TEX2: variants seen among roughly 807,000 people sequenced by gnomAD.
TEX2 encodes the protein testis-expressed protein 2.
A neutral mutation model predicts 106.9 loss-of-function variants in TEX2; 53 were observed. The ratio of observed to expected loss-of-function variants is 0.50; its 90% confidence interval spans 0.40 to 0.62. The LOEUF is 0.62. Among genes scored for constraint, TEX2 ranks in the 20% least tolerant of loss-of-function variants. The pLI is 0.00. For synonymous variants in TEX2, 523 were observed against 534.8 expected (o/e 0.98, Z 0.30); for missense variants, 1,207 against 1,379.0 (o/e 0.88, Z 1.98).
intron 2 of TEX2, among the ~76,000 whole-genome samples, chr17:64,210,634 C>CTTTGTTTTTTGTTTTTTTTTTTTT (rs2032970391): frequency 1.3e-5 from 1 of 74,786 alleles, no homozygotes; most frequent in African/African-American, 5.8e-5. Flanking sequence ...CAACCCCCAG[C>CTTTGTTTTTTGTTTTTTTTTTTTT]TTTTTTTTTT....
In TEX2 at chr17:64,187,139, A is replaced by G. The variant is rs191152264; in HGVS notation, c.2424+1029T>C. Among the ~76,000 whole-genome samples, 13 of 152,326 alleles carry G rather than the reference A, an allele frequency of 8.5e-5. No homozygotes were observed. The East Asian group carries it at 2.5e-3, about 29-fold the overall frequency. On this transcript the variant is annotated intron_variant, in intron 5 of 11. Transcript: ENST00000584379. ...TTCAAGAGAGCAGAGTAATTCTATT[A>G]AAGTGCCTAACAGAGCCTGGCATCT...
In TEX2 at chr17:64,213,260, C is replaced by T. The variant is rs928640901; in HGVS notation, c.958G>A (p.Ala320Thr). The T allele has an allele frequency of 1.2e-6, 2 of 1,614,150 alleles. No individual in the cohort carries two copies. Among genetic ancestry groups the T allele is most frequent in the East Asian group, 2.2e-5 (1 of 44,882 alleles). Residue 320 changes from alanine to threonine, a missense_variant, in exon 2 of 12, where the codon GCC (alanine) becomes ACC (threonine). Physicochemically the swap from Ala to Thr is moderately conservative, Grantham distance 58 (BLOSUM62 0). Around this residue, in one of 3 missense-constraint regions of TEX2, gnomAD observed 1,067 missense variants for 1,193.6 expected, o/e 0.89. Transcript: ENST00000584379. This position sits in a 1 kb window ranked among gnomAD's most constrained non-coding sequence, Gnocchi z 4.4. ...AGTTCTGAAGCACTTGAAGATAAGG[C>T]TTTGGGCCTATGGCTGCCACTTTCT... ...GEESGSHRPK[A>T]LSSSASELSN... is the part of the protein sequence containing the mutation.
intron 8 of TEX2, chr17:64,155,496 C>T (rs2030579992): frequency 6.6e-6 from 1 of 152,278 alleles, no homozygotes; most frequent in Admixed American, 6.5e-5. Flanking sequence ...TGACTCATGA[C>T]TCCTTTCCAG....
chr17:64,191,817 C>CAAAAAAAAAAAAAAAAAA (rs58376086), intron 4 of TEX2, among the ~76,000 whole-genome samples: 18 of 119,912 alleles, frequency 1.5e-4, no homozygotes, highest in South Asian at 5.3e-4. Flanking sequence ...GACTCCATCT[C>CAAAAAAAAAAAAAAAAAA]AAAAAAAAAA....
chr17:64,208,044 T>C (rs537215616), intron 2 of TEX2, among the ~76,000 whole-genome samples: 68 of 151,930 alleles, frequency 4.5e-4, no homozygotes, highest in African/African-American at 1.6e-3. Flanking sequence ...AGTATTTGCC[T>C]TTCTACTACT....
rs1313157312 is a variant in TEX2 at position 64,205,901 on chromosome 17, T to C, written c.1644+6673A>G. Among the ~76,000 whole-genome samples, 1 of 152,226 alleles carries C rather than the reference T, an allele frequency of 6.6e-6. No individual in the cohort carries two copies. Among genetic ancestry groups the C allele is most frequent in the Non-Finnish European group, 1.5e-5 (1 of 68,042 alleles). On this transcript the variant is annotated intron_variant, in intron 2 of 11. Transcript: ENST00000584379. The surrounding 1 kb of genome is among the most constrained non-coding windows in gnomAD (Gnocchi z 4.0). ...CCAATATGCTACTGCTGTGTTCTGC[T>C]GGTGGTTTATAAATCTGAGATAAAG...
At chr17:64,223,286 T>C (rs2033410466) in intron 1 of TEX2, among the ~76,000 whole-genome samples, 1 of 150,132 alleles carries the variant, frequency 6.7e-6, no homozygotes, top group South Asian at 2.1e-4. Flanking sequence ...TAATAAAAAA[T>C]GAAGAGCCAT....
At chr17:64,187,643 C>T (rs553380343) in intron 5 of TEX2, among the ~76,000 whole-genome samples, 3 of 152,280 alleles carry the variant, frequency 2.0e-5, no homozygotes, top group East Asian at 1.9e-4. Context: ...CCTCCAGCCT[C>T]CCTACCTCCC....
Position 64,214,064 on chromosome 17 carries a change from ACTCCTCCTCCTCTTC to A in TEX2, c.139_153del (p.Glu47_Glu51del), listed in dbSNP as rs782493091. ...AGCCCCTCCTCAAAGTACTCCCTGAACTCCTCCTCCTCTTCCTCCTCCTCCTCGCCGGATGCCGAG... is the reference window on the plus strand; with the variant it reads ...AGCCCCTCCTCAAAGTACTCCCTGAACTCCTCCTCCTCGCCGGATGCCGAG... On this transcript the variant is annotated inframe_deletion, in exon 2 of 12. Coordinates refer to ENST00000584379, the MANE Select transcript of TEX2 (RefSeq NM_001288732.2). 1 of 1,613,392 alleles carries A rather than the reference ACTCCTCCTCCTCTTC, an allele frequency of 6.2e-7. No homozygotes were observed. The highest frequency in any genetic ancestry group is 1.1e-5 in the South Asian group (1 of 91,030).
At position 64,217,187 on chromosome 17, in the gene TEX2, T is replaced by C. The variant is rs550746150; in HGVS notation, c.-25-2945A>G. On this transcript the variant is annotated intron_variant, in intron 1 of 11. Transcript: ENST00000584379. This position sits in a 1 kb window ranked among gnomAD's most constrained non-coding sequence, Gnocchi z 4.3. ...TTGAGTGTGCTAGAACCAGAGACCA[T>C]GGTTTGGGCTCTAGACAACCTATCA... Among the ~76,000 whole-genome samples, 2 of 152,236 alleles carry C rather than the reference T, an allele frequency of 1.3e-5. No individual in the cohort carries two copies. Among genetic ancestry groups the C allele is most frequent in the Admixed American group, 1.3e-4 (2 of 15,290 alleles).
intron 8 of TEX2, among the ~76,000 whole-genome samples, chr17:64,159,165 C>T (rs777915433): frequency 1.7e-4 from 26 of 152,172 alleles, no homozygotes; most frequent in Admixed American, 1.0e-3. Context: ...CCTCAGGGAC[C>T]GGCCTGGTTG....
At chr17:64,233,497 T>TG (rs1469370772) in intron 1 of TEX2, among the ~76,000 whole-genome samples, 1 of 152,072 alleles carries the variant, frequency 6.6e-6, no homozygotes, top group East Asian at 1.9e-4. Context: ...CGCTTGAACT[T>TG]GGAGGGTGGA....
At chr17:64,227,924 G>T (rs1176361395) in intron 1 of TEX2, among the ~76,000 whole-genome samples, 1 of 152,168 alleles carries the variant, frequency 6.6e-6, no homozygotes, top group Non-Finnish European at 1.5e-5. Flanking sequence ...TCAAATCAAA[G>T]ATTATTTCAT....
At position 64,210,634 on chromosome 17, in the gene TEX2, C is replaced by CT. The variant is rs58313195; in HGVS notation, c.1644+1939dup. On this transcript the variant is annotated intron_variant, in intron 2 of 11. Coordinates refer to ENST00000584379, the MANE Select transcript of TEX2 (RefSeq NM_001288732.2). ...TAAAAGAATTCTCCCCAACCCCCAG[C>CT]TTTTTTTTTTTTTTTTTTTTTTTTT... Among the ~76,000 whole-genome samples the CT allele has an allele frequency of 7.8e-3, 580 of 74,738 alleles. 17 individuals are homozygous for CT. Among genetic ancestry groups the CT allele is most frequent in the Non-Finnish European group, 0.012 (490 of 41,024 alleles). The allele number at this position is 74,738 out of a possible 152,430, so 49.0% of individuals were successfully genotyped here. A position where few individuals can be genotyped will look rare whatever the true frequency, so the allele number is the denominator to read the frequency against.
At chr17:64,246,575 C>G (rs1213404580) in intron 1 of TEX2, among the ~76,000 whole-genome samples, 1 of 152,074 alleles carries the variant, frequency 6.6e-6, no homozygotes, top group Non-Finnish European at 1.5e-5. Context: ...TTGGGCTGCC[C>G]CCTAGAAGAA....
intron 5 of TEX2, among the ~76,000 whole-genome samples, chr17:64,182,390 G>T (rs9898035): frequency 0.71 from 107,851 of 151,962 alleles, 38,380 homozygotes; most frequent in East Asian, 0.83. Context: ...AGAATGGTGG[G>T]GGTCAATGCA....
chr17:64,247,811 A>C (rs1403950441), intron 1 of TEX2, among the ~76,000 whole-genome samples: 1 of 152,216 alleles, frequency 6.6e-6, no homozygotes, highest in Non-Finnish European at 1.5e-5. Flanking sequence ...CCCACCACAC[A>C]AATATACATA....
chr17:64,197,561 T>C (rs188979637), intron 2 of TEX2, among the ~76,000 whole-genome samples: 2 of 152,262 alleles, frequency 1.3e-5, no homozygotes, highest in Admixed American at 6.5e-5. Context: ...TGTATGTATC[T>C]ATCATCTATG....
At chr17:64,254,233 T>C (rs2034144273) in intron 1 of TEX2, among the ~76,000 whole-genome samples, 1 of 152,244 alleles carries the variant, frequency 6.6e-6, no homozygotes. Flanking sequence ...CTTTGAGCCT[T>C]GCTCTTAAAG....
Sources: allele counts gnomAD v4.1 joint callset (sites outside exome capture counted in the v4.1 genomes callset), GRCh38; gene constraint gnomAD v4.1.1; regional missense constraint gnomAD v4.1.1; non-coding constraint Gnocchi (gnomAD v3.1); transcripts MANE v1.5; gene names NCBI Gene and HGNC (gene_info 2026-07-23, HGNC 2026-07-21).